The following CFHR4 variants were observed in gnomAD, a reference collection of about 807,000 sequenced individuals.
The protein encoded by CFHR4 is complement factor H related 4, also known as complement factor H-related protein 4.
A neutral mutation model predicts 69.3 loss-of-function variants in CFHR4; 64 were observed. The ratio of observed to expected loss-of-function variants is 0.92; its 90% CI spans 0.76 to 1.14. CFHR4 has a LOEUF of 1.14. CFHR4 is among the 50% of genes most tolerant of loss of function. The pLI is 0.00. For synonymous variants in CFHR4, 244 were observed against 237.0 expected, an observed-to-expected ratio of 1.03 and a Z score of -0.27; for missense variants, 636 against 684.9, an observed-to-expected ratio of 0.93 and a Z score of 0.80.
chr1:196,893,444 G>C lies in CFHR4; in HGVS notation c.58+5236G>C, dbSNP rs868656143. 4.0e-5 allele frequency among the ~76,000 whole-genome samples: 6 copies of C among 151,668 alleles called. 1 individual carries two copies. Among genetic ancestry groups the C allele is most frequent in the Middle Eastern group, 3.4e-3 (1 of 294 alleles). ...GGTGGTAGAAGAGTTGATCTATTCT[G>C]AGCCTTCCACATTTTAAGTGGTATG... On this transcript the variant is annotated intron_variant, in intron 1 of 9. Transcript: ENST00000608469.
At chr1:196,904,989 T>C (rs557089886) in intron 2 of CFHR4, 119 bp from the exon 3 acceptor site, 3 of 1,015,076 alleles carry the variant, frequency 3.0e-6, no homozygotes, top group South Asian at 3.7e-5. Flanking sequence ...GTTTTGCTGT[T>C]TTCAATTCAT....
At position 196,888,065 on chromosome 1, in the gene CFHR4, C is replaced by T. The variant is rs903530671; in HGVS notation, c.-86C>T. On this transcript the variant is annotated 5_prime_UTR_variant, in exon 1 of 10. Transcript: ENST00000608469. ...GGTAGTGCACTTAAATTCAGAATCA[C>T]ACTTGGTAACTAATAATGAAAGATT... 2.2e-6 allele frequency: 3 copies of T among 1,375,850 alleles called. No homozygotes were observed. Among genetic ancestry groups the T allele is most frequent in the Non-Finnish European group, 3.1e-6 (3 of 971,448 alleles). 85.2% of individuals were successfully genotyped at this position (1,375,850 alleles called of 1,614,324 possible). A position where few individuals can be genotyped will look rare whatever the true frequency, so the allele number is the denominator to read the frequency against.
chr1:196,910,192 G>T, intron 5 of CFHR4, 89 bp from the exon 6 acceptor site: 1 of 696,984 alleles, frequency 1.4e-6, no homozygotes, highest in Non-Finnish European at 2.1e-6. Context: ...ACATTATTTG[G>T]AAGGTAACAT....
intron 6 of CFHR4, among the ~76,000 whole-genome samples, chr1:196,910,724 A>G (rs1337372663): frequency 6.6e-6 from 1 of 151,566 alleles, no homozygotes; most frequent in Non-Finnish European, 1.5e-5. Context: ...AAAACTAAAG[A>G]TAAGTAACAT....
intron 7 of CFHR4, among the ~76,000 whole-genome samples, chr1:196,914,214 C>T (rs1398696290): frequency 1.3e-5 from 2 of 151,212 alleles, no homozygotes; most frequent in Admixed American, 1.3e-4. Context: ...TTAATAACAG[C>T]CAATGAGATT....
At chr1:196,915,781 T>A (rs1301548519) in intron 9 of CFHR4, among the ~76,000 whole-genome samples, 1 of 151,622 alleles carries the variant, frequency 6.6e-6, no homozygotes, top group Non-Finnish European at 1.5e-5. Context: ...ATCCATTTAT[T>A]GCGCACATAT....
intron 2 of CFHR4, among the ~76,000 whole-genome samples, chr1:196,904,379 G>T (rs983487062): frequency 6.6e-6 from 1 of 151,082 alleles, no homozygotes. Flanking sequence ...TAGTAAAATT[G>T]GTCCATTTAC....
chr1:196,902,928 C>T (rs1482745113), intron 2 of CFHR4, among the ~76,000 whole-genome samples: 1 of 151,490 alleles, frequency 6.6e-6, no homozygotes, highest in African/African-American at 2.4e-5. Flanking sequence ...TTGAGTCATA[C>T]ATCATTTTCA....
chr1:196,911,833 G>T (rs1208290311), intron 6 of CFHR4, among the ~76,000 whole-genome samples: 2 of 151,390 alleles, frequency 1.3e-5, no homozygotes, highest in Non-Finnish European at 2.9e-5. Context: ...AAATAAAACT[G>T]TTTACAATAG....
intron 9 of CFHR4, among the ~76,000 whole-genome samples, chr1:196,915,501 G>A (rs958317369): frequency 4.6e-5 from 7 of 151,322 alleles, no homozygotes; most frequent in African/African-American, 1.7e-4. Flanking sequence ...CAGGCATGCT[G>A]GCATATGCCT....
At chr1:196,909,873 C>T (rs1223707019) in intron 5 of CFHR4, among the ~76,000 whole-genome samples, 1 of 150,980 alleles carries the variant, frequency 6.6e-6, no homozygotes, top group Non-Finnish European at 1.5e-5. Flanking sequence ...GAAAACCAGC[C>T]AGGCGCGGTG....
At chr1:196,901,911 T>C (rs1260433603) in intron 1 of CFHR4, among the ~76,000 whole-genome samples, 2 of 151,528 alleles carry the variant, frequency 1.3e-5, no homozygotes, top group Non-Finnish European at 2.9e-5. Context: ...TCTTAATAAC[T>C]GGTTTGAGAC....
intron 7 of CFHR4, among the ~76,000 whole-genome samples, chr1:196,913,790 C>G (rs1658416234): frequency 6.6e-6 from 1 of 151,218 alleles, no homozygotes; most frequent in Admixed American, 6.6e-5. Context: ...ATACATAATA[C>G]AACATGGATG....
Position 196,914,602 on chromosome 1 carries a change from A to G in CFHR4, c.1288A>G (p.Ser430Gly). 4.3e-6 allele frequency: 7 copies of G among 1,611,936 alleles called. No homozygotes were observed. The highest frequency in any genetic ancestry group is 5.9e-6 in the Non-Finnish European group (7 of 1,179,168). ...CGAATGCTACGATGGATATGAAATC[A>G]GTTATGGAAACACCACAGGTTCCAT... Reference protein sequence around the residue: ...DYECYDGYEISYGNTTGSIVC... With the variant: ...DYECYDGYEIGYGNTTGSIVC... Residue 430 changes from serine (S) to glycine (G), a missense_variant, in exon 8 of 10, where the codon AGT (serine) becomes GGT (glycine). Coordinates refer to ENST00000608469, the MANE Select transcript of CFHR4 (RefSeq NM_001201550.3).
chr1:196,905,222 C>T lies in CFHR4; in HGVS notation c.371C>T (p.Ala124Val). Residue 124 changes from alanine (A) to valine (V), a missense_variant, in exon 3 of 10, where the codon GCA becomes GTA. Ala to Val is a moderately conservative substitution (Grantham distance 64). Transcript: ENST00000608469. The stretch of plus-strand genomic sequence containing the variant: ...AATTGTAAACCAGGATATGCAACAG[C>T]AGAGGGAAATTCTTCAGGATCAATT... Reference protein sequence around the residue: ...QYNCKPGYATAEGNSSGSITC... With the variant: ...QYNCKPGYATVEGNSSGSITC... 1 of 1,611,472 alleles carries T rather than the reference C, an allele frequency of 6.2e-7. No individual in the cohort carries two copies.
chr1:196,891,499 C>T (rs1026870759), intron 1 of CFHR4, among the ~76,000 whole-genome samples: 3 of 151,298 alleles, frequency 2.0e-5, no homozygotes, highest in Non-Finnish European at 2.9e-5. Flanking sequence ...AACTAGCAAA[C>T]GCCTCCCAGA....
intron 6 of CFHR4, 56 bp downstream of exon 6, chr1:196,910,534 G>T: frequency 7.1e-7 from 1 of 1,412,470 alleles, no homozygotes; most frequent in Non-Finnish European, 9.9e-7. Flanking sequence ...AATGGAGAGA[G>T]AAGAGCAAAC....
intron 1 of CFHR4, among the ~76,000 whole-genome samples, chr1:196,893,906 T>C (rs1323160182): frequency 6.6e-6 from 1 of 151,578 alleles, no homozygotes; most frequent in Non-Finnish European, 1.5e-5. Flanking sequence ...ATTACATGAA[T>C]TCTAAGACTC....
intron 6 of CFHR4, among the ~76,000 whole-genome samples, chr1:196,911,014 T>A (rs1658238323): frequency 1.3e-5 from 2 of 151,380 alleles, no homozygotes; most frequent in South Asian, 4.2e-4. Context: ...GGCTACAGTC[T>A]TTCAAATGTG....
Sources: allele counts gnomAD v4.1 joint callset (sites outside exome capture counted in the v4.1 genomes callset), GRCh38; gene constraint gnomAD v4.1.1; transcripts MANE v1.5; gene names NCBI Gene and HGNC (gene_info 2026-07-23, HGNC 2026-07-21).